TENM1: variants seen among roughly 807,000 people sequenced by gnomAD.
TENM1 encodes the protein teneurin transmembrane protein 1.
Under a neutral mutation model 174.8 loss-of-function variants are expected in TENM1, and 35 were observed. The ratio of observed to expected loss-of-function variants is 0.20; its 90% CI spans 0.15 to 0.27. The LOEUF (loss-of-function observed/expected upper bound fraction) is 0.27. Ranked by LOEUF, TENM1 falls within the 10% of genes least tolerant of loss-of-function variation. The pLI is 1.00. For synonymous variants in TENM1, 781 were observed against 798.7 expected (o/e 0.98, Z 0.37); for missense variants, 1,633 against 2,130.1 (o/e 0.77, Z 4.59).
intron 4 of TENM1, among the ~76,000 whole-genome samples, chrX:124,706,243 C>T (rs1261278409): frequency 8.9e-6 from 1 of 112,113 alleles, no homozygotes; most frequent in Non-Finnish European, 1.9e-5. Context: ...TTGCATACAT[C>T]AGTACACTTC....
chrX:124,854,710 G>A (rs1214995890), intron 3 of TENM1, among the ~76,000 whole-genome samples: 2 of 111,587 alleles, frequency 1.8e-5, no homozygotes, highest in African/African-American at 3.3e-5. Flanking sequence ...TACTATCTGG[G>A]AAAGAAATTT....
At chrX:124,447,332 T>C (rs1465551751) in intron 23 of TENM1, among the ~76,000 whole-genome samples, 2 of 111,470 alleles carry the variant, frequency 1.8e-5, no homozygotes, top group Non-Finnish European at 3.8e-5. Context: ...TGGTAAACTC[T>C]CTATCAACTG....
chrX:124,791,779 T>A (rs756881216), intron 3 of TENM1, among the ~76,000 whole-genome samples: 1 of 111,787 alleles, frequency 8.9e-6, no homozygotes, highest in South Asian at 3.8e-4. Context: ...AGCAATGGGA[T>A]AGGCATACTT....
Position 124,413,900 on chromosome X carries a change from G to A in TENM1, c.4982+6411C>T, listed in dbSNP as rs145351373. 3.4e-3 allele frequency among the ~76,000 whole-genome samples: 383 copies of A among 112,100 alleles called. 4 individuals carry two copies. Among genetic ancestry groups the A allele is most frequent in the African/African-American group, 0.012 (358 of 30,881 alleles). On this transcript the variant is annotated intron_variant, in intron 25 of 31. Coordinates refer to ENST00000422452, the Ensembl canonical transcript of TENM1. ...ACATAAGCATTTCTGCATGGGAATC[G>A]CATCCTATCCCCAGGCAAATATCTC... is the stretch of plus-strand genomic sequence containing the variant.
the TENM1 span, among the ~76,000 whole-genome samples, chrX:125,188,128 C>T: frequency 2.7e-5 from 3 of 110,941 alleles, no homozygotes; most frequent in East Asian, 2.9e-4. Flanking sequence ...TACAGAAGTT[C>T]GAGACCAGCC....
the TENM1 span, among the ~76,000 whole-genome samples, chrX:125,070,006 T>C: frequency 9.1e-6 from 1 of 109,770 alleles, no homozygotes; most frequent in Non-Finnish European, 1.9e-5. Context: ...CTGGGTGACA[T>C]AGTGACATCC....
At chrX:124,479,935 C>A (rs1339856231) in intron 22 of TENM1, among the ~76,000 whole-genome samples, 3 of 111,543 alleles carry the variant, frequency 2.7e-5, no homozygotes. Flanking sequence ...AAAGAGCTGG[C>A]ACAGAGAAAT....
intron 19 of TENM1, among the ~76,000 whole-genome samples, chrX:124,500,155 A>C (rs2047295467): frequency 8.9e-6 from 1 of 112,025 alleles, no homozygotes; most frequent in African/African-American, 3.2e-5. Flanking sequence ...ACATAAGGCA[A>C]TGTACTTTCT....
chrX:124,561,293 T>C (rs1282461957), intron 14 of TENM1, among the ~76,000 whole-genome samples: 4 of 111,316 alleles, frequency 3.6e-5, no homozygotes, highest in Non-Finnish European at 7.5e-5. Flanking sequence ...TGAAGTCACA[T>C]AGCCCTAAAT....
chrX:125,005,378 G>A, the TENM1 span, among the ~76,000 whole-genome samples: 2 of 105,577 alleles, frequency 1.9e-5, no homozygotes, highest in African/African-American at 6.9e-5. Context: ...TTTCCCCAGT[G>A]TATTAAACAA....
the TENM1 span, among the ~76,000 whole-genome samples, chrX:125,193,650 G>A: frequency 9.0e-6 from 1 of 111,563 alleles, no homozygotes; most frequent in Non-Finnish European, 1.9e-5. Context: ...GGGGGGTACT[G>A]TAACCTGGTC....
In TENM1 at chrX:124,629,289, T is replaced by C. The variant is rs555039982; in HGVS notation, c.2077+12502A>G. On this transcript the variant is annotated intron_variant, in intron 11 of 31. Transcript: ENST00000422452. ...AACTGACTTTCCAGTAAAACATATA[T>C]CTGTATTCTGCAAACACAGGAAACA... Among the ~76,000 whole-genome samples, 38 of 112,151 alleles carry C rather than the reference T, an allele frequency of 3.4e-4. 1 individual carries two copies. In the South Asian group the frequency reaches 0.014, roughly 42 times the overall value.
At chrX:124,917,887 T>C (rs2057953007) in intron 1 of TENM1, among the ~76,000 whole-genome samples, 2 of 112,312 alleles carry the variant, frequency 1.8e-5, no homozygotes, top group African/African-American at 6.5e-5. Flanking sequence ...TCTTCCATGA[T>C]AGCCAGGTAA....
At chrX:124,916,830 C>G (rs1018518889) in intron 1 of TENM1, among the ~76,000 whole-genome samples, 9 of 109,203 alleles carry the variant, frequency 8.2e-5, no homozygotes, top group Non-Finnish European at 5.7e-5. Flanking sequence ...CTCATCTTTG[C>G]CCTTCTGCCA....
the TENM1 span, among the ~76,000 whole-genome samples, chrX:125,116,545 C>A: frequency 1.8e-5 from 2 of 112,150 alleles, no homozygotes; most frequent in Non-Finnish European, 3.8e-5. Flanking sequence ...AAGTAAAAAA[C>A]AAACATCCCC....
At chrX:124,837,597 A>G (rs1341208841) in intron 3 of TENM1, among the ~76,000 whole-genome samples, 1 of 112,150 alleles carries the variant, frequency 8.9e-6, no homozygotes, top group African/African-American at 3.2e-5. Context: ...CCATATAAAC[A>G]CTGCCTCTAA....
Position 124,774,920 on chromosome X carries a change from C to T in TENM1, c.536-37723G>A, listed in dbSNP as rs542936692. ...GCATCATTCTAAAGGTTCTCCCTCC[C>T]TTCTCCTGCTCCCTCTCCATTATCC... On this transcript the variant is annotated intron_variant, in intron 3 of 31. Transcript: ENST00000422452. Among the ~76,000 whole-genome samples the T allele has an allele frequency of 8.1e-5, 9 of 110,986 alleles. No individual in the cohort carries two copies. The South Asian group carries it at 3.5e-3, about 43-fold the overall frequency.
intron 11 of TENM1, among the ~76,000 whole-genome samples, chrX:124,626,232 G>A (rs1304374062): frequency 9.0e-6 from 1 of 110,957 alleles, no homozygotes; most frequent in Non-Finnish European, 1.9e-5. Flanking sequence ...TTGAATGTAT[G>A]TATTTATTAA....
At chrX:124,825,441 A>G (rs944143161) in intron 3 of TENM1, among the ~76,000 whole-genome samples, 2 of 110,179 alleles carry the variant, frequency 1.8e-5, no homozygotes, top group African/African-American at 3.3e-5. Context: ...CTGGGATTAC[A>G]GGCTGGAGCC....
Sources: allele counts gnomAD v4.1 joint callset (sites outside exome capture counted in the v4.1 genomes callset), GRCh38; gene constraint gnomAD v4.1.1; transcripts MANE v1.5; gene names NCBI Gene and HGNC (gene_info 2026-07-23, HGNC 2026-07-21).